Variants in COX10 observed in about 807,000 individuals in gnomAD.
The protein encoded by COX10 is protoheme IX farnesyltransferase, mitochondrial.
Under a neutral mutation model 37.3 loss-of-function variants are expected in COX10, and 27 were observed. The observed-to-expected ratio is 0.72, with a 90% CI of 0.53 to 1.00. The LOEUF is 1.00. Among genes scored for constraint, COX10 ranks in the 50% least tolerant of loss-of-function variants. The pLI is 0.00. For synonymous variants in COX10, 222 were observed against 229.1 expected (o/e 0.97, Z 0.28); for missense variants, 475 against 563.2 (o/e 0.84, Z 1.59).
intron 6 of COX10, among the ~76,000 whole-genome samples, chr17:14,195,113 G>C (rs912276914): frequency 3.3e-5 from 5 of 152,200 alleles, no homozygotes; most frequent in African/African-American, 1.2e-4. Flanking sequence ...AGATTATACA[G>C]AAAGAATACT....
intron 6 of COX10, among the ~76,000 whole-genome samples, chr17:14,200,104 G>A (rs1199937203): frequency 3.3e-5 from 5 of 152,096 alleles, no homozygotes; most frequent in African/African-American, 1.2e-4. Context: ...GGGGGTGGGG[G>A]TGGGAAGGTG....
At chr17:14,105,310 G>T (rs1915866950) in intron 4 of COX10, among the ~76,000 whole-genome samples, 1 of 151,998 alleles carries the variant, frequency 6.6e-6, no homozygotes, top group Non-Finnish European at 1.5e-5. Flanking sequence ...CTCCATTGTT[G>T]CAGCTTTTTG....
At chr17:14,141,329 C>T (rs991665971) in intron 4 of COX10, among the ~76,000 whole-genome samples, 3 of 151,834 alleles carry the variant, frequency 2.0e-5, no homozygotes, top group African/African-American at 7.3e-5. Context: ...TGCCTGAGCT[C>T]AGGAGTTGGA....
chr17:14,099,215 TG>T (rs1915717735), intron 3 of COX10, among the ~76,000 whole-genome samples: 1 of 152,116 alleles, frequency 6.6e-6, no homozygotes. Flanking sequence ...ACACCATATT[TG>T]GGAACAACTG....
chr17:14,206,798 A>ACC lies in COX10; in HGVS notation c.929-8_929-7dup, dbSNP rs144296730. The ACC allele has an allele frequency of 3.7e-6, 6 of 1,613,660 alleles. No homozygotes were observed. The Admixed American group carries it at 6.7e-5, about 18-fold the overall frequency. On this transcript the variant is annotated splice_polypyrimidine_tract_variant and intron_variant, in intron 6 of 6. Coordinates refer to ENST00000261643, the MANE Select transcript of COX10 (RefSeq NM_001303.4). ...GCCTTTGTCTCCCTCTCCTTCCCTG[A>ACC]CCCCCGCACAGGCGCATTTCTCCTG...
rs570923711 is a variant in COX10 at position 14,069,544 on chromosome 17, C to T, written c.-62C>T. 18 of 1,601,750 alleles carry T rather than the reference C, an allele frequency of 1.1e-5. No individual in the cohort carries two copies. The highest frequency in any genetic ancestry group is 1.5e-5 in the Non-Finnish European group (18 of 1,171,260). On this transcript the variant is annotated 5_prime_UTR_variant, in exon 1 of 7. Transcript: ENST00000261643. ...GGGCGGGGAAGGAAGATGGCGGCGCCCAGCGTCCCGTGAGGAGAGAGGACA... is the reference window on the plus strand; with the variant it reads ...GGGCGGGGAAGGAAGATGGCGGCGCTCAGCGTCCCGTGAGGAGAGAGGACA...
At chr17:14,205,828 G>A (rs1325806063) in intron 6 of COX10, among the ~76,000 whole-genome samples, 1 of 152,102 alleles carries the variant, frequency 6.6e-6, no homozygotes, top group Non-Finnish European at 1.5e-5. Context: ...AGATTAAATG[G>A]GGCAAACTAT....
At chr17:14,070,853 G>A (rs1437333398) in intron 1 of COX10, among the ~76,000 whole-genome samples, 1 of 152,186 alleles carries the variant, frequency 6.6e-6, no homozygotes, top group Non-Finnish European at 1.5e-5. Context: ...ATAAAATGAC[G>A]TAATTGAAGT....
At chr17:14,087,806 C>T (rs1386849421) in intron 3 of COX10, among the ~76,000 whole-genome samples, 1 of 151,742 alleles carries the variant, frequency 6.6e-6, no homozygotes, top group African/African-American at 2.4e-5. Context: ...TGTCCAGCCT[C>T]TTCTCTGGTG....
chr17:14,202,897 C>T (rs1906589305), intron 6 of COX10, among the ~76,000 whole-genome samples: 10 of 152,158 alleles, frequency 6.6e-5, no homozygotes, highest in Admixed American at 6.5e-4. Context: ...TCCCAGCATC[C>T]AGTAGAGTTC....
At chr17:14,074,211 C>T in intron 1 of COX10, 112 bp from the exon 2 acceptor site, 1 of 1,120,182 alleles carries the variant, frequency 8.9e-7, no homozygotes, top group Non-Finnish European at 1.3e-6. Context: ...TGACCCATCA[C>T]ACAGTGTAGC....
intron 3 of COX10, among the ~76,000 whole-genome samples, chr17:14,099,227 A>T (rs1039992892): frequency 6.6e-6 from 1 of 152,060 alleles, no homozygotes; most frequent in Non-Finnish European, 1.5e-5. Context: ...GGAACAACTG[A>T]GTTAAAGGAA....
At chr17:14,116,405 G>C (rs1480820389) in intron 4 of COX10, among the ~76,000 whole-genome samples, 1 of 152,090 alleles carries the variant, frequency 6.6e-6, no homozygotes, top group East Asian at 1.9e-4. Context: ...CAGAAACTCA[G>C]ACTCTCTCTA....
chr17:14,198,628 GGTTTTA>G lies in COX10; in HGVS notation c.928+6410_928+6415del, dbSNP rs1906438766. On this transcript the variant is annotated intron_variant, in intron 6 of 6. Coordinates refer to ENST00000261643, the MANE Select transcript of COX10 (RefSeq NM_001303.4). ...AGGAAGTGACATTTGGCAGATGGAT[GGTTTTA>G]GTAACAAAAAGAGAATGAGATTTTT... Among the ~76,000 whole-genome samples, 3 of 152,140 alleles carry G rather than the reference GGTTTTA, an allele frequency of 2.0e-5. No individual in the cohort carries two copies. In the South Asian group the frequency reaches 6.2e-4, roughly 32 times the overall value.
chr17:14,125,324 C>G (rs1319564478), intron 4 of COX10, among the ~76,000 whole-genome samples: 2 of 152,156 alleles, frequency 1.3e-5, no homozygotes, highest in African/African-American at 2.4e-5. Flanking sequence ...CTACAACTCT[C>G]TAAAATGGAA....
intron 4 of COX10, among the ~76,000 whole-genome samples, chr17:14,103,511 T>G (rs1423097492): frequency 6.6e-6 from 1 of 152,158 alleles, no homozygotes; most frequent in African/African-American, 2.4e-5. Flanking sequence ...ATTTAAATTA[T>G]GTTGATTCAA....
intron 3 of COX10, among the ~76,000 whole-genome samples, chr17:14,086,531 A>G (rs1046691432): frequency 1.8e-4 from 27 of 152,136 alleles, no homozygotes; most frequent in African/African-American, 6.3e-4. Flanking sequence ...CTTCATTTAT[A>G]CAAGTCTTCT....
intron 5 of COX10, among the ~76,000 whole-genome samples, chr17:14,168,041 A>C (rs1313400261): frequency 1.3e-5 from 2 of 152,228 alleles, no homozygotes; most frequent in Non-Finnish European, 2.9e-5. Flanking sequence ...CCTTTCACCT[A>C]TGAGCCTATA....
At chr17:14,131,635 A>G (rs576106086) in intron 4 of COX10, among the ~76,000 whole-genome samples, 1 of 152,156 alleles carries the variant, frequency 6.6e-6, no homozygotes, top group African/African-American at 2.4e-5. Context: ...TTCATTTTAA[A>G]TGTTCTGATG....
Sources: allele counts gnomAD v4.1 joint callset (sites outside exome capture counted in the v4.1 genomes callset), GRCh38; gene constraint gnomAD v4.1.1; transcripts MANE v1.5; gene names NCBI Gene and HGNC (gene_info 2026-07-23, HGNC 2026-07-21).